TLCD3B: variants seen among roughly 807,000 people sequenced by gnomAD.
The protein encoded by TLCD3B is ceramide synthase.
In TLCD3B, 9 loss-of-function variants were observed where a neutral mutation model predicts 23.0. The observed-to-expected ratio is 0.39, with a 90% CI of 0.24 to 0.68. The LOEUF is 0.68. TLCD3B is among the 30% of genes least tolerant of loss of function. TLCD3B has a pLI of 0.44. For synonymous variants in TLCD3B, 161 were observed against 161.0 expected, an observed-to-expected ratio of 1.00 and a Z score of 0.00; for missense variants, 307 against 371.8, an observed-to-expected ratio of 0.83 and a Z score of 1.43.
At chr16:30,037,732 G>GC (rs34498466) in intron 3 of TLCD3B, among the ~76,000 whole-genome samples, 1 of 151,608 alleles carries the variant, frequency 6.6e-6, no homozygotes, top group East Asian at 1.9e-4. Context: ...GTAAGACCCT[G>GC]CCCCCCCAAA....
rs2071010611 is a variant in TLCD3B, at chr16:30,024,574, A to C, written c.*609T>G. 8.5e-6 allele frequency: 3 copies of C among 353,176 alleles called. No homozygotes were observed. The highest frequency in any genetic ancestry group is 1.5e-5 in the Non-Finnish European group (3 of 194,132). 21.9% of individuals were successfully genotyped at this position (353,176 alleles called of 1,614,324 possible). A position where few individuals can be genotyped will look rare whatever the true frequency, so the allele number is the denominator to read the frequency against. ...CGCGATGTGCAGCCGATGGTGAGGG[A>C]CTGGGCGCCCTCGCCTGCCCCCGGG... On this transcript the variant is annotated 3_prime_UTR_variant, in exon 5 of 5. Transcript: ENST00000380495.
Position 30,029,334 on chromosome 16 carries a change from C to G in TLCD3B, c.209+98G>C, listed in dbSNP as rs563610384. The G allele has an allele frequency of 3.7e-6, 4 of 1,088,046 alleles. No individual in the cohort carries two copies. The African/African-American group carries it at 4.7e-5, about 13-fold the overall frequency. 67.4% of individuals were successfully genotyped at this position (1,088,046 alleles called of 1,614,324 possible). ...CAGGCCCAAGTTAAGGGCTTGGGGA[C>G]CACAGACAGAGTTCCCTCCAAGATG... On this transcript the variant is annotated intron_variant, in intron 2 of 4. Transcript: ENST00000380495. This position sits in a 1 kb window ranked among gnomAD's most constrained non-coding sequence, Gnocchi z 4.6.
rs143615996 is a variant in TLCD3B, at chr16:30,030,857, G to A, written c.-330C>T. ...AGAGGGGACAGGAGGAGGAGGATGC[G>A]GATGGGGGAGGGGAGGGAGCCACCA... On this transcript the variant is annotated 5_prime_UTR_variant, in exon 1 of 5. Coordinates refer to ENST00000380495, the MANE Select transcript of TLCD3B (RefSeq NM_031478.6). 2.0e-5 allele frequency: 20 copies of A among 985,886 alleles called. No homozygotes were observed. Among genetic ancestry groups the A allele is most frequent in the South Asian group, 9.6e-5 (2 of 20,852 alleles). The allele number at this position is 985,886 out of a possible 1,614,324, so 61.1% of individuals were successfully genotyped here.
At chr16:30,028,758 C>T (rs965480546) in intron 2 of TLCD3B, among the ~76,000 whole-genome samples, 34 of 152,154 alleles carry the variant, frequency 2.2e-4, no homozygotes, top group African/African-American at 8.2e-4. Context: ...ACAAAGGGGG[C>T]GTTGTGGGCA....
At chr16:30,027,987 G>A (rs1036662832) in intron 2 of TLCD3B, among the ~76,000 whole-genome samples, 5 of 152,196 alleles carry the variant, frequency 3.3e-5, no homozygotes, top group Non-Finnish European at 7.4e-5. Flanking sequence ...CAGCAGGGAC[G>A]GTACCAGGGA....
rs2071330329 is a variant in TLCD3B, at chr16:30,030,666, G to C, written c.-139C>G. On this transcript the variant is annotated 5_prime_UTR_variant, in exon 1 of 5. Transcript: ENST00000380495. ...GATGAGAAGGGGCACAAAGGGGCCA[G>C]GGCGGGGACGGGATGGGGCCAGGGA... 19 of 1,332,110 alleles carry C rather than the reference G, an allele frequency of 1.4e-5. No individual in the cohort carries two copies. The highest frequency in any genetic ancestry group is 1.7e-5 in the Non-Finnish European group (18 of 1,041,324). The allele number at this position is 1,332,110 out of a possible 1,614,324, so 82.5% of individuals were successfully genotyped here. A position where few individuals can be genotyped will look rare whatever the true frequency, so the allele number is the denominator to read the frequency against.
upstream of TLCD3B, among the ~76,000 whole-genome samples, chr16:30,032,015 C>G (rs921604723): frequency 6.6e-6 from 1 of 152,220 alleles, no homozygotes; most frequent in African/African-American, 2.4e-5. Flanking sequence ...CTGGCCTTCT[C>G]TAAATTCCCA....
intron 2 of TLCD3B, among the ~76,000 whole-genome samples, chr16:30,045,092 C>CAAAAAAAAAAAAAAAAAAAAAAAAAAAA (rs1162281544): frequency 9.0e-5 from 2 of 22,224 alleles, no homozygotes; most frequent in African/African-American, 2.1e-4. Flanking sequence ...GACTCCATCT[C>CAAAAAAAAAAAAAAAAAAAAAAAAAAAA]AAAAAAAAAA....
At chr16:30,037,474 C>T (rs1346554082) in intron 3 of TLCD3B, among the ~76,000 whole-genome samples, 2 of 148,396 alleles carry the variant, frequency 1.3e-5, no homozygotes, top group Admixed American at 6.9e-5. Flanking sequence ...ACCTGGGAGG[C>T]GGAGCTTGCA....
intron 1 of TLCD3B, among the ~76,000 whole-genome samples, chr16:30,049,503 T>C (rs949950218): frequency 1.1e-4 from 16 of 152,168 alleles, no homozygotes; most frequent in Non-Finnish European, 1.5e-5. Flanking sequence ...CTAGGGGAAG[T>C]GCGGAACTAC....
intron 2 of TLCD3B, among the ~76,000 whole-genome samples, chr16:30,045,424 AGTGTGTGTG>A (rs1387265005): frequency 1.3e-5 from 1 of 74,186 alleles, no homozygotes; most frequent in Non-Finnish European, 2.7e-5. Context: ...GTGTTTGTGT[AGTGTGTGTG>A]GTGTGTGTGT....
rs540751443 is a variant in TLCD3B at position 30,046,547 on chromosome 16, A to G, written c.-293-160T>C. ...TGGCTGGCGTGCCAGAGCATTTATTATTTAGTATTTTTACTTACCTGTCCC... is the reference window on the plus strand; with the variant it reads ...TGGCTGGCGTGCCAGAGCATTTATTGTTTAGTATTTTTACTTACCTGTCCC... On this transcript the variant is annotated intron_variant, in intron 1 of 6. Coordinates refer to the TLCD3B transcript ENST00000561666. 4 of 145,544 alleles carry G rather than the reference A, an allele frequency of 2.7e-5. 1 individual carries two copies. The East Asian group carries it at 5.8e-4, about 21-fold the overall frequency. 9.0% of individuals were successfully genotyped at this position (145,544 alleles called of 1,614,324 possible). A position where few individuals can be genotyped will look rare whatever the true frequency, so the allele number is the denominator to read the frequency against.
intron 3 of TLCD3B, among the ~76,000 whole-genome samples, chr16:30,039,445 C>T (rs1167261076): frequency 6.6e-6 from 1 of 151,512 alleles, no homozygotes; most frequent in Non-Finnish European, 1.5e-5. Context: ...TCTTTTGAGA[C>T]AGGGTCTCAC....
At chr16:30,039,103 C>CTTTTTTTTTTTTTTTTTTTTTTTTTTTT (rs1018184417) in intron 3 of TLCD3B, among the ~76,000 whole-genome samples, 1 of 99,616 alleles carries the variant, frequency 1.0e-5, no homozygotes. Context: ...TCCTTCCTCT[C>CTTTTTTTTTTTTTTTTTTTTTTTTTTTT]TTTTTTTTTT....
chr16:30,040,288 ACACGGTAGC>A (rs1596770793), intron 3 of TLCD3B, among the ~76,000 whole-genome samples: 1 of 151,836 alleles, frequency 6.6e-6, no homozygotes, highest in Non-Finnish European at 1.5e-5. Flanking sequence ...ACAATACTTC[ACACGGTAGC>A]CAGTAGCCAG....
chr16:30,026,566 G>T, intron 3 of TLCD3B, 43 bp downstream of exon 3: 2 of 1,559,246 alleles, frequency 1.3e-6, no homozygotes, highest in Non-Finnish European at 1.8e-6. Context: ...GGACCAAGGA[G>T]CAGGCCACCC....
chr16:30,029,534 C>A lies in TLCD3B; in HGVS notation c.126-19G>T. 1 of 1,605,094 alleles carries A rather than the reference C, an allele frequency of 6.2e-7. No homozygotes were observed. The highest frequency in any genetic ancestry group is 8.5e-7 in the Non-Finnish European group (1 of 1,172,748). Reference sequence around the variant, plus strand: ...CACCAGCCTGGGGGAGAGAGGGAGGCGTGCTAGAAAGGCAGAAGGGAAGAG... The same window carrying A: ...CACCAGCCTGGGGGAGAGAGGGAGGAGTGCTAGAAAGGCAGAAGGGAAGAG... On this transcript the variant is annotated intron_variant, in intron 1 of 4. Transcript: ENST00000380495. The surrounding 1 kb of genome is among the most constrained non-coding windows in gnomAD (Gnocchi z 4.6).
chr16:30,052,517 C>T (rs1567314162), intron 1 of TLCD3B, among the ~76,000 whole-genome samples: 2 of 151,082 alleles, frequency 1.3e-5, no homozygotes, highest in South Asian at 2.1e-4. Flanking sequence ...GTCAACATTG[C>T]GAAACCCTGT....
upstream of TLCD3B, chr16:30,035,337 C>A (rs1322028402): frequency 7.8e-7 from 1 of 1,289,594 alleles, no homozygotes; most frequent in Non-Finnish European, 1.0e-6. Context: ...ACACCCTCAC[C>A]CTGGTCCTCT....
Sources: gnomAD v4.1 joint callset for allele counts (sites outside exome capture counted in the v4.1 genomes callset) on GRCh38, gnomAD v4.1.1 for gene constraint, Gnocchi (gnomAD v3.1) non-coding constraint, MANE v1.5 for transcripts, NCBI Gene and HGNC (gene_info 2026-07-23, HGNC 2026-07-21) for gene names.